Variants in KIF1C observed in about 807,000 individuals in gnomAD.
KIF1C encodes kinesin-like protein KIF1C.
Under a neutral mutation model 126.5 loss-of-function variants are expected in KIF1C, and 61 were observed. The ratio of observed to expected loss-of-function variants is 0.48; its 90% CI spans 0.39 to 0.60. The LOEUF (loss-of-function observed/expected upper bound fraction) is 0.60. KIF1C is among the 20% of genes least tolerant of loss of function. The pLI, the probability that KIF1C is intolerant of heterozygous loss-of-function variation, is 0.00. For missense variants in KIF1C, 1,315 were observed against 1,489.2 expected (o/e 0.88, Z 1.93); for synonymous variants, 640 against 580.6 (o/e 1.10, Z -1.47).
rs1267626751 is a variant in KIF1C at position 5,020,851 on chromosome 17, C to T, written c.1983C>T (p.Ala661=). The T allele has an allele frequency of 2.0e-5, 31 of 1,586,588 alleles. No homozygotes were observed. The highest frequency in any genetic ancestry group is 1.7e-4 in the Middle Eastern group (1 of 6,058). Residue 661 remains alanine, a synonymous_variant, in exon 21 of 23, where the codon GCC becomes GCT. Transcript: ENST00000320785. The surrounding 1 kb of genome is among the most constrained non-coding windows in gnomAD (Gnocchi z 5.8). ...ENQYRKEKEE[A]DLLLEQQRLY... ...AGTACCGGAAAGAAAAGGAAGAAGCCGATCTTCTGCTGGAGCAGCAGCGAC... is the reference window on the plus strand; with the variant it reads ...AGTACCGGAAAGAAAAGGAAGAAGCTGATCTTCTGCTGGAGCAGCAGCGAC...
rs750828264 is a variant in KIF1C at position 5,004,650 on chromosome 17, G to A, written c.1019+5G>A. On this transcript the variant is annotated splice_donor_5th_base_variant and intron_variant, in intron 12 of 22. Transcript: ENST00000320785. ...GGAGACTCTCAGCACCCTCAGGTGA[G>A]GCTTTTGGCTCTAGCAGGGATGGGG... 7 of 1,613,920 alleles carry A rather than the reference G, an allele frequency of 4.3e-6. No homozygotes were observed. The Admixed American group carries it at 6.7e-5, about 15-fold the overall frequency.
At chr17:5,018,003 C>G (rs185754259) in intron 18 of KIF1C, among the ~76,000 whole-genome samples, 131 of 152,132 alleles carry the variant, frequency 8.6e-4, no homozygotes, top group East Asian at 5.1e-3. Flanking sequence ...TTTTTTGAGA[C>G]AGGGTCTTGC....
chr17:5,017,786 C>T (rs1975006483), intron 18 of KIF1C, among the ~76,000 whole-genome samples: 1 of 151,844 alleles, frequency 6.6e-6, no homozygotes, highest in African/African-American at 2.4e-5. Context: ...AGGTGATTTG[C>T]AAAAGATGAC....
intron 16 of KIF1C, among the ~76,000 whole-genome samples, chr17:5,010,584 T>A (rs1287817615): frequency 2.0e-5 from 3 of 151,304 alleles, no homozygotes; most frequent in Admixed American, 6.6e-5. Flanking sequence ...CCATCTCTAC[T>A]AAAATAGAAA....
rs73345356 is a variant in KIF1C at position 5,022,379 on chromosome 17, C to T, written c.2298C>T (p.His766=). The part of the protein sequence containing the change: ...CYEVALADFR[H]GRAEIEALAA... ...AGGTGGCCCTGGCTGACTTCCGCCA[C>T]GGGCGGGCTGAGATTGAGGCCCTGG... Residue 766 remains histidine (H), a synonymous_variant, in exon 22 of 23, where the codon CAC becomes CAT. Coordinates refer to ENST00000320785, the MANE Select transcript of KIF1C (RefSeq NM_006612.6). This position sits in a 1 kb window ranked among gnomAD's most constrained non-coding sequence, Gnocchi z 4.9. 12,414 of 1,581,366 alleles carry T rather than the reference C, an allele frequency of 7.9e-3. 562 individuals are homozygous for T. The African/African-American group carries it at 0.12, about 15-fold the overall frequency.
At chr17:5,009,158 C>T (rs1974803154) in intron 16 of KIF1C, among the ~76,000 whole-genome samples, 1 of 150,486 alleles carries the variant, frequency 6.6e-6, no homozygotes, top group Admixed American at 6.6e-5. Flanking sequence ...CTTAAGTTTC[C>T]CCTCAGAGGC....
At chr17:5,004,758 C>T (rs1329542268) in intron 12 of KIF1C, 97 bp from the exon 13 acceptor site, 1 of 1,596,954 alleles carries the variant, frequency 6.3e-7, no homozygotes, top group Non-Finnish European at 8.6e-7. Context: ...GGAGCCTTGC[C>T]ACAATATCTT....
At position 5,000,829 on chromosome 17, in the gene KIF1C, C is replaced by T; in HGVS notation, c.164C>T (p.Ser55Phe). Residue 55 changes from serine to phenylalanine, a missense_variant, in exon 4 of 23, where the codon TCC (serine) becomes TTC (phenylalanine). This residue lies in a region of KIF1C where 874 missense variants were observed against 1,053.2 expected (regional missense o/e 0.83). Transcript: ENST00000320785. ...DAPKSFTFDY[S>F]YWSHTSTEDP... ...CCCAAAAGCTTCACCTTTGACTACT[C>T]CTACTGGTCACACACTTCGGTGGGT... The T allele has an allele frequency of 6.2e-7, 1 of 1,614,060 alleles. No individual in the cohort carries two copies. The highest frequency in any genetic ancestry group is 8.5e-7 in the Non-Finnish European group (1 of 1,179,958).
intron 16 of KIF1C, among the ~76,000 whole-genome samples, 173 bp downstream of exon 16, chr17:5,007,715 A>T (rs1294821557): frequency 6.6e-6 from 1 of 151,938 alleles, no homozygotes; most frequent in Non-Finnish European, 1.5e-5. Context: ...TTGTTTAGTC[A>T]TCCCTGCCTT....
chr17:4,998,436 G>A (rs913814914), intron 1 of KIF1C, among the ~76,000 whole-genome samples: 4 of 152,168 alleles, frequency 2.6e-5, no homozygotes, highest in African/African-American at 9.6e-5. Context: ...TTTCGGGCCG[G>A]TCGGCCCCAC....
rs898638272 is a variant in KIF1C, at chr17:5,003,883, A to G, written c.831A>G (p.Thr277=). ...CCAACATCAATAAGTCCCTGACTACACTAGGGAAAGTGATCTCGGCCCTTG... is the reference window on the plus strand; with the variant it reads ...CCAACATCAATAAGTCCCTGACTACGCTAGGGAAAGTGATCTCGGCCCTTG... ...EGANINKSLT[T]LGKVISALAD... The change falls in exon 10 of 23, where the codon ACA becomes ACG. Residue 277 remains threonine, a synonymous_variant. Transcript: ENST00000320785. 6.2e-7 allele frequency: 1 copy of G among 1,613,920 alleles called. No individual in the cohort carries two copies. Among genetic ancestry groups the G allele is most frequent in the African/African-American group, 1.3e-5 (1 of 75,002 alleles).
chr17:5,000,444 G>T, intron 3 of KIF1C, 92 bp downstream of exon 3: 1 of 875,000 alleles, frequency 1.1e-6, no homozygotes. Context: ...TAAGAGGAGG[G>T]TAATGCTGGG....
chr17:5,024,073 C>A lies in KIF1C; in HGVS notation c.3234C>A (p.Tyr1078Ter). 2 of 1,594,506 alleles carry A rather than the reference C, an allele frequency of 1.3e-6. No homozygotes were observed. Among genetic ancestry groups the A allele is most frequent in the Non-Finnish European group, 1.7e-6 (2 of 1,170,530 alleles). Reference protein sequence around the residue: ...YPAQRPPGPRYPPYTTPPRMR... With the variant: ...YPAQRPPGPR ...CCCAGCGGCCCCCAGGGCCCCGCTA[C>A]CCCCCATACACTACTCCCCCACGAA... Residue 1078 changes from tyrosine (Y) to a stop codon, truncating the protein, a stop_gained, in exon 23 of 23, where the codon TAC becomes TAA. Transcript: ENST00000320785. LOFTEE classifies it high-confidence loss of function.
rs140478059 is a variant in KIF1C, at chr17:5,012,340, T to G, written c.1492-1313T>G. Among the ~76,000 whole-genome samples the G allele has an allele frequency of 3.6e-3, 482 of 134,104 alleles. 3 individuals are homozygous for G. The highest frequency in any genetic ancestry group is 0.011 in the Middle Eastern group (3 of 284). The allele number at this position is 134,104 out of a possible 152,430, so 88.0% of individuals were successfully genotyped here. A position where few individuals can be genotyped will look rare whatever the true frequency, so the allele number is the denominator to read the frequency against. On this transcript the variant is annotated intron_variant, in intron 16 of 22. Transcript: ENST00000320785. ...CATTTCAGACAGACTGGGAGGAACG[T>G]GAAGGAAGTGAATGATTTTGGCAGG...
rs1220075187 is a variant in KIF1C, at chr17:5,024,797, A to G, written c.*646A>G. ...AGCATACTTATCAGTGAAGTATTGTATGTGTGCTCTGTGCAGGCACCACCC... is the reference window on the plus strand; with the variant it reads ...AGCATACTTATCAGTGAAGTATTGTGTGTGTGCTCTGTGCAGGCACCACCC... On this transcript the variant is annotated 3_prime_UTR_variant, in exon 23 of 23. Transcript: ENST00000320785. 2 of 152,566 alleles carry G rather than the reference A, an allele frequency of 1.3e-5. No individual in the cohort carries two copies. Among genetic ancestry groups the G allele is most frequent in the Admixed American group, 1.3e-4 (2 of 15,270 alleles). The allele number at this position is 152,566 out of a possible 1,614,324, so 9.5% of individuals were successfully genotyped here.
At chr17:5,014,942 A>T (rs1451906442) in intron 18 of KIF1C, 105 bp downstream of exon 18, 1 of 890,826 alleles carries the variant, frequency 1.1e-6, no homozygotes, top group African/African-American at 1.7e-5. Context: ...GAGTGCAGCC[A>T]TATAAAGAGG....
At chr17:5,011,608 C>G (rs1974868326) in intron 16 of KIF1C, 1 of 152,238 alleles carries the variant, frequency 6.6e-6, no homozygotes, top group Non-Finnish European at 1.5e-5. Flanking sequence ...GTTTGCCAGT[C>G]CCAGAGCAGG....
rs1028292487 is a variant in KIF1C, at chr17:5,003,704, G to T, written c.798+15G>T. 5.6e-6 allele frequency: 9 copies of T among 1,611,644 alleles called. No individual in the cohort carries two copies. Among genetic ancestry groups the T allele is most frequent in the Non-Finnish European group, 7.6e-6 (9 of 1,178,154 alleles). On this transcript the variant is annotated intron_variant, in intron 9 of 22. Transcript: ENST00000320785. The stretch of plus-strand genomic sequence containing the variant: ...TGCGCCTGAAGGTGAGGGGCCTTCA[G>T]AGGGTGGTTTGTTGTGGGGCAGTGT...
chr17:5,005,825 C>A (rs1287652869), intron 13 of KIF1C, among the ~76,000 whole-genome samples: 1 of 150,494 alleles, frequency 6.6e-6, no homozygotes, highest in Non-Finnish European at 1.5e-5. Context: ...CTTCTGGGTT[C>A]AAGAGATTCT....
Sources: allele counts gnomAD v4.1 joint callset (sites outside exome capture counted in the v4.1 genomes callset), GRCh38; gene constraint gnomAD v4.1.1; regional missense constraint gnomAD v4.1.1; non-coding constraint Gnocchi (gnomAD v3.1); transcripts MANE v1.5; gene names NCBI Gene and HGNC (gene_info 2026-07-23, HGNC 2026-07-21).